Variants in RASGRP1 observed in about 807,000 individuals in gnomAD.
The protein encoded by RASGRP1 is RAS guanyl releasing protein 1, also known as RAS guanyl-releasing protein 1.
In RASGRP1, 37 loss-of-function variants were observed where a neutral mutation model predicts 95.1. The ratio of observed to expected loss-of-function variants is 0.39; its 90% confidence interval spans 0.30 to 0.51. The LOEUF (loss-of-function observed/expected upper bound fraction) is 0.51. Ranked by LOEUF, RASGRP1 falls within the 20% of genes least tolerant of loss-of-function variation. The pLI, the probability that RASGRP1 is intolerant of heterozygous loss-of-function variation, is 0.80. For missense variants in RASGRP1, 711 were observed against 965.4 expected, an observed-to-expected ratio of 0.74 and a Z score of 3.49; for synonymous variants, 325 against 353.4, an observed-to-expected ratio of 0.92 and a Z score of 0.90.
At chr15:38,514,023 G>A (rs1891655829) in intron 6 of RASGRP1, among the ~76,000 whole-genome samples, 2 of 151,904 alleles carry the variant, frequency 1.3e-5, no homozygotes, top group African/African-American at 4.8e-5. Context: ...GGTTCCTGGG[G>A]AACTCTGATC....
chr15:38,508,113 T>C (rs1039332998), intron 8 of RASGRP1, 112 bp from the exon 9 acceptor site: 2 of 1,258,294 alleles, frequency 1.6e-6, no homozygotes, highest in Non-Finnish European at 2.2e-6. Flanking sequence ...ATCCAGAATT[T>C]GTTGAGCAGG....
At chr15:38,498,091 A>G (rs566372021) in intron 15 of RASGRP1, among the ~76,000 whole-genome samples, 1 of 152,100 alleles carries the variant, frequency 6.6e-6, no homozygotes, top group East Asian at 1.9e-4. Flanking sequence ...AGCTAGTAGA[A>G]CTCTGTCTGT....
intron 1 of RASGRP1, among the ~76,000 whole-genome samples, chr15:38,562,117 G>A (rs925518979): frequency 2.7e-4 from 41 of 152,250 alleles, no homozygotes; most frequent in African/African-American, 8.9e-4. Context: ...AATAAATATT[G>A]ACTGTGCCTG....
At chr15:38,513,057 C>A in intron 6 of RASGRP1, 101 bp from the exon 7 acceptor site, 1 of 1,211,288 alleles carries the variant, frequency 8.3e-7, no homozygotes, top group Non-Finnish European at 1.1e-6. Context: ...CAGTTGATGG[C>A]TGGGAACTGC....
intron 13 of RASGRP1, among the ~76,000 whole-genome samples, chr15:38,500,459 A>G (rs1383360784): frequency 6.6e-6 from 1 of 151,972 alleles, no homozygotes; most frequent in Non-Finnish European, 1.5e-5. Flanking sequence ...CTCCTGTCTC[A>G]GTTTCCCAAG....
Position 38,526,419 on chromosome 15 carries a change from A to G in RASGRP1, c.221-15T>C, listed in dbSNP as rs1264703881. ...TCCATCTGCATCTGAAAATATAAAG[A>G]GCAGCACCTGAGTTAGGCCCTGGAG... On this transcript the variant is annotated splice_polypyrimidine_tract_variant and intron_variant, in intron 2 of 16. Coordinates refer to ENST00000310803, the MANE Select transcript of RASGRP1 (RefSeq NM_005739.4). 7 of 1,605,972 alleles carry G rather than the reference A, an allele frequency of 4.4e-6. No individual in the cohort carries two copies. Among genetic ancestry groups the G allele is most frequent in the Non-Finnish European group, 5.1e-6 (6 of 1,173,248 alleles).
At chr15:38,492,088 A>G (rs1026924825) in intron 16 of RASGRP1, among the ~76,000 whole-genome samples, 1 of 152,096 alleles carries the variant, frequency 6.6e-6, no homozygotes, top group Admixed American at 6.5e-5. Flanking sequence ...TTTCTATTCT[A>G]CCGAGTTCAT....
chr15:38,539,550 T>G (rs1376848559), intron 2 of RASGRP1, among the ~76,000 whole-genome samples: 3 of 18,550 alleles, frequency 1.6e-4, no homozygotes, highest in East Asian at 3.5e-3. Context: ...GCATTGCCGT[T>G]TTTTTTTTTG....
At chr15:38,522,412 T>C (rs1288756989) in intron 3 of RASGRP1, among the ~76,000 whole-genome samples, 3 of 152,104 alleles carry the variant, frequency 2.0e-5, no homozygotes, top group African/African-American at 7.2e-5. Flanking sequence ...GAAGTTTAGG[T>C]AGATACATTT....
At chr15:38,526,634 T>A (rs1892234077) in intron 2 of RASGRP1, among the ~76,000 whole-genome samples, 1 of 152,070 alleles carries the variant, frequency 6.6e-6, no homozygotes, top group African/African-American at 2.4e-5. Context: ...TCCACAGTGG[T>A]AAAATCGGGA....
At chr15:38,538,977 C>T (rs778008943) in intron 2 of RASGRP1, among the ~76,000 whole-genome samples, 10 of 152,098 alleles carry the variant, frequency 6.6e-5, no homozygotes, top group East Asian at 5.8e-4. Flanking sequence ...TATTTATTAG[C>T]GTTTTATGAA....
rs1890441176 is a variant in RASGRP1 at position 38,488,455 on chromosome 15, TATTA to T, written c.*2095_*2098del. On this transcript the variant is annotated 3_prime_UTR_variant, in exon 17 of 17. Transcript: ENST00000310803. The stretch of plus-strand genomic sequence containing the variant: ...GCCCCATGTTGCTCAACACAAATAC[TATTA>T]ACTTGTATACTATACCTCTTTGGCC... The T allele has an allele frequency of 6.6e-6, 1 of 151,486 alleles. No individual in the cohort carries two copies. The highest frequency in any genetic ancestry group is 2.4e-5 in the African/African-American group (1 of 41,250). The allele number at this position is 151,486 out of a possible 1,614,324, so 9.4% of individuals were successfully genotyped here.
chr15:38,502,593 C>T (rs950459875), intron 11 of RASGRP1, among the ~76,000 whole-genome samples, 172 bp from the exon 12 acceptor site: 2 of 152,202 alleles, frequency 1.3e-5, no homozygotes, highest in Non-Finnish European at 2.9e-5. Flanking sequence ...GGTCACATCT[C>T]AGGCCTTTGC....
chr15:38,531,889 A>C (rs1474739833), intron 2 of RASGRP1, among the ~76,000 whole-genome samples: 1 of 152,184 alleles, frequency 6.6e-6, no homozygotes, highest in African/African-American at 2.4e-5. Context: ...CTCCAGCTCT[A>C]TACAACCTCA....
At chr15:38,546,400 G>A (rs1893105421) in intron 2 of RASGRP1, among the ~76,000 whole-genome samples, 1 of 152,008 alleles carries the variant, frequency 6.6e-6, no homozygotes, top group South Asian at 2.1e-4. Flanking sequence ...GCTAATTTTT[G>A]TATTTTTAGT....
rs148125040 is a variant in RASGRP1, at chr15:38,560,480, G to A, written c.36-475C>T. Among the ~76,000 whole-genome samples, 485 of 152,260 alleles carry A rather than the reference G, an allele frequency of 3.2e-3. 2 individuals carry two copies. The highest frequency in any genetic ancestry group is 0.011 in the African/African-American group (447 of 41,552). On this transcript the variant is annotated intron_variant, in intron 1 of 16. Transcript: ENST00000310803. ...GTGTATCACCTGAGGTCGGGAGTTC[G>A]AGATCATCTTTGGCTAACTTCATTA...
chr15:38,499,811 AC>A (rs1303968250), intron 14 of RASGRP1, among the ~76,000 whole-genome samples: 1 of 152,064 alleles, frequency 6.6e-6, no homozygotes, highest in Non-Finnish European at 1.5e-5. Flanking sequence ...GGGGGCGGTT[AC>A]CCTCATGTTG....
intron 16 of RASGRP1, 105 bp from the exon 17 acceptor site, chr15:38,490,793 T>TGA (rs1183561677): frequency 1.1e-5 from 13 of 1,219,388 alleles, no homozygotes; most frequent in African/African-American, 1.5e-5. Context: ...TCACTGTGGC[T>TGA]GAGAATTAAC....
intron 2 of RASGRP1, among the ~76,000 whole-genome samples, chr15:38,535,862 A>G (rs1892622392): frequency 6.6e-6 from 1 of 152,188 alleles, no homozygotes; most frequent in African/African-American, 2.4e-5. Flanking sequence ...TGGACTTGTC[A>G]TGTCTGAAGA....
Sources: allele counts gnomAD v4.1 joint callset (sites outside exome capture counted in the v4.1 genomes callset), GRCh38; gene constraint gnomAD v4.1.1; transcripts MANE v1.5; gene names NCBI Gene and HGNC (gene_info 2026-07-23, HGNC 2026-07-21).